Variants in FAM227B observed in about 807,000 individuals in gnomAD.
FAM227B encodes family with sequence similarity 227 member B, also known as protein FAM227B.
Under a neutral mutation model 73.8 loss-of-function variants are expected in FAM227B, and 88 were observed. The observed-to-expected ratio is 1.19, with a 90% CI of 1.00 to 1.42. The LOEUF (loss-of-function observed/expected upper bound fraction) is 1.42, where lower values mean the gene tolerates loss of function less well. FAM227B is among the 40% of genes most tolerant of loss of function. The pLI is 0.00. For missense variants in FAM227B, 632 were observed against 590.9 expected, an observed-to-expected ratio of 1.07 and a Z score of -0.72; for synonymous variants, 210 against 190.5, an observed-to-expected ratio of 1.10 and a Z score of -0.84.
At chr15:49,513,364 A>G (rs1287081280) in intron 10 of FAM227B, among the ~76,000 whole-genome samples, 3 of 152,130 alleles carry the variant, frequency 2.0e-5, no homozygotes, top group Admixed American at 2.0e-4. Context: ...AGTGATGTTG[A>G]GCTTTTTTTG....
At chr15:49,565,297 G>A (rs763850729) in intron 9 of FAM227B, among the ~76,000 whole-genome samples, 6 of 149,754 alleles carry the variant, frequency 4.0e-5, no homozygotes, top group Non-Finnish European at 8.8e-5. Context: ...CAGAAGAATC[G>A]CTTGAACCCG....
At chr15:49,588,112 T>C (rs1011943779) in intron 4 of FAM227B, 29 bp from the exon 5 acceptor site, 1 of 1,249,494 alleles carries the variant, frequency 8.0e-7, no homozygotes, top group African/African-American at 1.5e-5. Context: ...TCACAGTATA[T>C]ATATTATACA....
chr15:49,537,790 A>C (rs1411454862), intron 10 of FAM227B, among the ~76,000 whole-genome samples: 2 of 152,212 alleles, frequency 1.3e-5, no homozygotes, highest in East Asian at 3.8e-4. Context: ...GGAAGGAATA[A>C]TCCAGTGAAA....
At chr15:49,595,752 A>C (rs2076850883) in intron 3 of FAM227B, among the ~76,000 whole-genome samples, 1 of 151,900 alleles carries the variant, frequency 6.6e-6, no homozygotes, top group African/African-American at 2.4e-5. Context: ...ACTCCAGAGA[A>C]ATACATATCA....
Position 49,335,511 on chromosome 15 carries a change from A to T in FAM227B, c.1272-15T>A. On this transcript the variant is annotated splice_polypyrimidine_tract_variant and intron_variant, in intron 13 of 15. Transcript: ENST00000299338. ...GAGCAGGTAGTGTGCTAGGCTTATT[A>T]TTAAGGAATGATTTTCAATTAGGAA... 6.3e-7 allele frequency: 1 copy of T among 1,595,930 alleles called. No individual in the cohort carries two copies. Among genetic ancestry groups the T allele is most frequent in the South Asian group, 1.1e-5 (1 of 90,222 alleles).
rs185103394 is a variant in FAM227B, at chr15:49,482,513, C to G, written c.1012+25698G>C. ...TAGGCTCTGTTTACCATCATTTACA[C>G]TTGCTTTAATTAGAATTTTCTTCAC... On this transcript the variant is annotated intron_variant, in intron 11 of 15. Transcript: ENST00000299338. Among the ~76,000 whole-genome samples the G allele has an allele frequency of 4.5e-3, 677 of 152,110 alleles. 10 individuals carry two copies. The highest frequency in any genetic ancestry group is 0.016 in the African/African-American group (646 of 41,548).
intron 11 of FAM227B, among the ~76,000 whole-genome samples, chr15:49,454,860 C>T (rs1045462144): frequency 3.9e-5 from 6 of 152,108 alleles, no homozygotes; most frequent in Non-Finnish European, 7.4e-5. Context: ...CCGCTCGCCT[C>T]GGCCTCCCAA....
rs1252049396 is a variant in FAM227B, at chr15:49,541,823, A to C, written c.748-17T>G. The C allele has an allele frequency of 7.4e-7, 1 of 1,355,152 alleles. No individual in the cohort carries two copies. 83.9% of individuals were successfully genotyped at this position (1,355,152 alleles called of 1,614,324 possible). On this transcript the variant is annotated splice_polypyrimidine_tract_variant and intron_variant, in intron 9 of 15. Transcript: ENST00000299338. ...AGGATATATCTACCAAAATAAAATC[A>C]AATTAGATTAATTTTATATTTTTAA...
chr15:49,458,842 C>T (rs1354734044), intron 11 of FAM227B, among the ~76,000 whole-genome samples: 1 of 151,984 alleles, frequency 6.6e-6, no homozygotes, highest in Non-Finnish European at 1.5e-5. Context: ...AAGTATTTCC[C>T]CCCTGCACCA....
At chr15:49,479,373 G>A (rs940844001) in intron 11 of FAM227B, among the ~76,000 whole-genome samples, 1 of 152,098 alleles carries the variant, frequency 6.6e-6, no homozygotes, top group Non-Finnish European at 1.5e-5. Context: ...ACTACTTAAT[G>A]TGAACAAACT....
intron 13 of FAM227B, among the ~76,000 whole-genome samples, chr15:49,341,922 G>T (rs2040789304): frequency 6.6e-6 from 1 of 152,024 alleles, no homozygotes; most frequent in South Asian, 2.1e-4. Context: ...TGGTTTTTTT[G>T]AATTTATCAA....
chr15:49,488,790 T>C (rs1201387182), intron 11 of FAM227B: 1 of 152,068 alleles, frequency 6.6e-6, no homozygotes. Context: ...TGTTTTCTCA[T>C]AGTTTATGTG....
chr15:49,541,779 T>C lies in FAM227B; in HGVS notation c.775A>G (p.Ile259Val), dbSNP rs1039076258. 2 of 1,515,940 alleles carry C rather than the reference T, an allele frequency of 1.3e-6. No individual in the cohort carries two copies. The highest frequency in any genetic ancestry group is 2.8e-5 in the South Asian group (2 of 70,726). The allele number at this position is 1,515,940 out of a possible 1,614,324, so 93.9% of individuals were successfully genotyped here. The change falls in exon 10 of 16, where the codon ATA becomes GTA. Residue 259 changes from isoleucine (I) to valine (V), a missense_variant. Coordinates refer to ENST00000299338, the MANE Select transcript of FAM227B (RefSeq NM_152647.3). The stretch of plus-strand genomic sequence containing the variant: ...AATGCTTCATGGAACGTTGCATATA[T>C]GGCTTGTGCCAAACAATCAGGATAT... ...QIYPDCLAQA[I>V]YATFHEAFPE...
Position 49,327,990 on chromosome 15 carries a change from G to T in FAM227B, c.*578C>A, listed in dbSNP as rs751092726. The T allele has an allele frequency of 1.2e-6, 2 of 1,613,822 alleles. No individual in the cohort carries two copies. The highest frequency in any genetic ancestry group is 8.5e-7 in the Non-Finnish European group (1 of 1,179,786). ...CAAGGGTCACGACTTACTGGAGCAGGATGGGGAGGCTGCACAGTATCAATG... is the reference window on the plus strand; with the variant it reads ...CAAGGGTCACGACTTACTGGAGCAGTATGGGGAGGCTGCACAGTATCAATG... On this transcript the variant is annotated 3_prime_UTR_variant, in exon 16 of 16. Transcript: ENST00000299338.
chr15:49,506,282 A>G (rs923028384), intron 11 of FAM227B, among the ~76,000 whole-genome samples: 1 of 152,054 alleles, frequency 6.6e-6, no homozygotes, highest in African/African-American at 2.4e-5. Context: ...AGGCCAATGT[A>G]GTCTCTGTCA....
chr15:49,442,446 T>C (rs1175915853), intron 11 of FAM227B, among the ~76,000 whole-genome samples: 2 of 151,660 alleles, frequency 1.3e-5, no homozygotes, highest in Admixed American at 1.3e-4. Flanking sequence ...ACATAAGGCA[T>C]TACTGTTATG....
intron 11 of FAM227B, among the ~76,000 whole-genome samples, chr15:49,440,329 C>G (rs1198805563): frequency 6.6e-6 from 1 of 151,596 alleles, no homozygotes; most frequent in Non-Finnish European, 1.5e-5. Context: ...TGATATATTT[C>G]TTATAAGTAA....
chr15:49,617,432 TCAA>T lies in FAM227B; in HGVS notation c.-72-2192_-72-2190del, dbSNP rs1201761783. Among the ~76,000 whole-genome samples, 7 of 152,272 alleles carry T rather than the reference TCAA, an allele frequency of 4.6e-5. No homozygotes were observed. The East Asian group carries it at 1.4e-3, about 29-fold the overall frequency. ...AAAGTACAAATATGATATAAATTAT[TCAA>T]CAACAGTCTAGTGAAAAATAGCTGA... On this transcript the variant is annotated intron_variant, in intron 1 of 15. Coordinates refer to ENST00000299338, the MANE Select transcript of FAM227B (RefSeq NM_152647.3).
In FAM227B at chr15:49,433,197, T is replaced by C. The variant is rs114564383; in HGVS notation, c.1013-61798A>G. Among the ~76,000 whole-genome samples the C allele has an allele frequency of 4.1e-3, 626 of 151,778 alleles. 8 individuals carry two copies. The highest frequency in any genetic ancestry group is 0.014 in the African/African-American group (601 of 41,498). ...ATTTTCAATACAGAGCCAGTAATGG[T>C]CTTATTCTCTTTCTGTGCCCCAATT... On this transcript the variant is annotated intron_variant, in intron 11 of 15. Coordinates refer to ENST00000299338, the MANE Select transcript of FAM227B (RefSeq NM_152647.3).
Sources: gnomAD v4.1 joint callset for allele counts (sites outside exome capture counted in the v4.1 genomes callset) on GRCh38, gnomAD v4.1.1 for gene constraint, MANE v1.5 for transcripts, NCBI Gene and HGNC (gene_info 2026-07-23, HGNC 2026-07-21) for gene names.